Variants in SNTB1 observed in about 807,000 individuals in gnomAD.
The protein encoded by SNTB1 is syntrophin beta 1.
SNTB1 carries 36 observed loss-of-function variants against 48.9 expected under a neutral mutation model. The observed-to-expected ratio is 0.74, with a 90% CI of 0.56 to 0.97. SNTB1 has a LOEUF of 0.97. SNTB1 is among the 50% of genes least tolerant of loss of function. The pLI is 0.00. For missense variants in SNTB1, 786 were observed against 703.4 expected (o/e 1.12, Z -1.33); for synonymous variants, 299 against 294.6 (o/e 1.01, Z -0.15).
chr8:120,668,828 A>G (rs1817715628), intron 2 of SNTB1, among the ~76,000 whole-genome samples: 1 of 152,240 alleles, frequency 6.6e-6, no homozygotes, highest in Non-Finnish European at 1.5e-5. Context: ...AAAAAGACTT[A>G]GGGGCAGAAG....
At chr8:120,796,250 C>G (rs1006322352) in intron 1 of SNTB1, among the ~76,000 whole-genome samples, 4 of 152,040 alleles carry the variant, frequency 2.6e-5, no homozygotes, top group Admixed American at 2.6e-4. Flanking sequence ...GATTCCTGTA[C>G]AGCCTGCAGA....
In SNTB1 at chr8:120,584,893, G is replaced by A. The variant is rs933049436; in HGVS notation, c.997-9668C>T. ...ATGAAGGAAGAGACCAGGGTGATAC[G>A]TTTCCATGCCAAGGAATGCCAGAGA... On this transcript the variant is annotated intron_variant, in intron 3 of 6. Transcript: ENST00000517992. Among the ~76,000 whole-genome samples, 8 of 152,188 alleles carry A rather than the reference G, an allele frequency of 5.3e-5. No homozygotes were observed. The East Asian group carries it at 9.7e-4, about 18-fold the overall frequency.
rs567348146 is a variant in SNTB1, at chr8:120,682,865, TTTTG to T, written c.788+10823_788+10826del. Among the ~76,000 whole-genome samples the T allele has an allele frequency of 6.8e-3, 1,029 of 150,778 alleles. 5 individuals carry two copies. The highest frequency in any genetic ancestry group is 0.014 in the Admixed American group (213 of 15,122). ...TATCCAAAAGATAATACTCATAGTT[TTTTG>T]TTTGTTTTTAGTTTTTTTTTTTTTT... is the stretch of plus-strand genomic sequence containing the variant. On this transcript the variant is annotated intron_variant, in intron 2 of 6. Coordinates refer to ENST00000517992, the MANE Select transcript of SNTB1 (RefSeq NM_021021.4).
At chr8:120,702,523 C>T (rs1455335493) in intron 1 of SNTB1, among the ~76,000 whole-genome samples, 1 of 152,124 alleles carries the variant, frequency 6.6e-6, no homozygotes, top group Non-Finnish European at 1.5e-5. Flanking sequence ...CTGGGTAAGA[C>T]CTCCTTTTCA....
intron 1 of SNTB1, among the ~76,000 whole-genome samples, chr8:120,786,760 C>T (rs1392162684): frequency 6.6e-6 from 1 of 152,154 alleles, no homozygotes; most frequent in African/African-American, 2.4e-5. Flanking sequence ...CTTCCCTTCC[C>T]CCTGAAATAC....
intron 1 of SNTB1, among the ~76,000 whole-genome samples, chr8:120,732,411 T>G (rs1473788387): frequency 6.6e-6 from 1 of 152,244 alleles, no homozygotes; most frequent in Non-Finnish European, 1.5e-5. Context: ...GAAACCTCAC[T>G]CTGAGGATGT....
chr8:120,543,319 A>G (rs991676305), intron 5 of SNTB1, among the ~76,000 whole-genome samples: 1 of 152,156 alleles, frequency 6.6e-6, no homozygotes, highest in Non-Finnish European at 1.5e-5. Flanking sequence ...ATCTACATCT[A>G]AAAGTTATGT....
chr8:120,693,750 T>G lies in SNTB1; in HGVS notation c.730A>C (p.Ile244Leu). 6.2e-7 allele frequency: 1 copy of G among 1,613,776 alleles called. No individual in the cohort carries two copies. The highest frequency in any genetic ancestry group is 8.5e-7 in the Non-Finnish European group (1 of 1,179,894). ...SFSFHRDRKS[I>L]PLKMCYVTRS... ...GTGACGTAGCACATTTTGAGGGGGATGCTTTTCCGGTCTCTGTGGAAGGAG... is the reference window on the plus strand; with the variant it reads ...GTGACGTAGCACATTTTGAGGGGGAGGCTTTTCCGGTCTCTGTGGAAGGAG... Residue 244 changes from isoleucine to leucine, a missense_variant, in exon 2 of 7, where the codon ATC (isoleucine) becomes CTC (leucine). Physicochemically the swap from Ile to Leu is conservative, Grantham distance 5. Coordinates refer to ENST00000517992, the MANE Select transcript of SNTB1 (RefSeq NM_021021.4).
intron 4 of SNTB1, among the ~76,000 whole-genome samples, chr8:120,567,445 G>C (rs1350906047): frequency 1.3e-5 from 2 of 149,280 alleles, no homozygotes; most frequent in African/African-American, 5.0e-5. Flanking sequence ...AAAGAGACAG[G>C]GTCTTGCTCT....
intron 5 of SNTB1, among the ~76,000 whole-genome samples, chr8:120,547,063 A>G (rs1471304426): frequency 6.6e-6 from 1 of 151,990 alleles, no homozygotes; most frequent in Non-Finnish European, 1.5e-5. Context: ...GATCTCGTGC[A>G]AGTTATTTGA....
At chr8:120,696,714 C>A (rs1406892087) in intron 1 of SNTB1, among the ~76,000 whole-genome samples, 2 of 152,114 alleles carry the variant, frequency 1.3e-5, no homozygotes, top group African/African-American at 4.8e-5. Flanking sequence ...CATAGGTGAT[C>A]CCTTGTAGGT....
At position 120,644,030 on chromosome 8, in the gene SNTB1, C is replaced by T. The variant is rs1410169101; in HGVS notation, c.789-11379G>A. ...TAGACATATCTATATCTTAAAACCA[C>T]CATAGAGAAGCTTTCAGATGAAGTA... On this transcript the variant is annotated intron_variant, in intron 2 of 6. Transcript: ENST00000517992. 3.9e-5 allele frequency among the ~76,000 whole-genome samples: 6 copies of T among 152,082 alleles called. No individual in the cohort carries two copies. The East Asian group carries it at 1.2e-3, about 29-fold the overall frequency.
intron 2 of SNTB1, among the ~76,000 whole-genome samples, chr8:120,688,892 C>A (rs4242317): frequency 2.6e-5 from 4 of 151,560 alleles, no homozygotes; most frequent in Admixed American, 6.6e-5. Context: ...GTAGAGTAGA[C>A]GGTGGGAAAT....
chr8:120,700,181 G>C (rs922534532), intron 1 of SNTB1, among the ~76,000 whole-genome samples: 18 of 137,656 alleles, frequency 1.3e-4, no homozygotes, highest in Admixed American at 1.2e-3. Flanking sequence ...GTGTGTGTTT[G>C]TGTGTGTGTG....
At chr8:120,623,953 T>C (rs1443813388) in intron 3 of SNTB1, among the ~76,000 whole-genome samples, 1 of 152,160 alleles carries the variant, frequency 6.6e-6, no homozygotes, top group Non-Finnish European at 1.5e-5. Context: ...TGTTTGTTTT[T>C]TTGAGACAGA....
chr8:120,674,820 C>CTATTCTTTA (rs1474300718), intron 2 of SNTB1, among the ~76,000 whole-genome samples: 1 of 152,058 alleles, frequency 6.6e-6, no homozygotes, highest in Non-Finnish European at 1.5e-5. Context: ...TTTCAAGTCT[C>CTATTCTTTA]TATTCTTTAT....
At chr8:120,636,243 T>C (rs539983250) in intron 2 of SNTB1, among the ~76,000 whole-genome samples, 2 of 151,932 alleles carry the variant, frequency 1.3e-5, no homozygotes, top group African/African-American at 4.8e-5. Flanking sequence ...TCTTTTTTTT[T>C]ATTTTTTTAT....
In SNTB1 at chr8:120,632,575, A is replaced by G. The variant is rs1817002608; in HGVS notation, c.865T>C (p.Trp289Arg). 1.2e-6 allele frequency: 2 copies of G among 1,614,128 alleles called. No individual in the cohort carries two copies. Among genetic ancestry groups the G allele is most frequent in the Non-Finnish European group, 1.7e-6 (2 of 1,180,018 alleles). ...RSKDSATAQA[W>R]FSAIHSNVND... ...ACGTTGGAATGGATGGCACTGAACCATGCCTGGGCCGTGGCTGAGTCCTTG... is the reference window on the plus strand; with the variant it reads ...ACGTTGGAATGGATGGCACTGAACCGTGCCTGGGCCGTGGCTGAGTCCTTG... Residue 289 changes from tryptophan (W) to arginine (R), a missense_variant, in exon 3 of 7, where the codon TGG becomes CGG. Physicochemically the swap from Trp to Arg is moderately radical, Grantham distance 101. Transcript: ENST00000517992.
chr8:120,719,433 T>A (rs910344386), intron 1 of SNTB1, among the ~76,000 whole-genome samples: 2 of 152,158 alleles, frequency 1.3e-5, no homozygotes, highest in African/African-American at 2.4e-5. Context: ...GACCTTGTGA[T>A]TGAGTGAGTT....
Sources: gnomAD v4.1 joint callset for allele counts (sites outside exome capture counted in the v4.1 genomes callset) on GRCh38, gnomAD v4.1.1 for gene constraint, MANE v1.5 for transcripts, NCBI Gene and HGNC (gene_info 2026-07-23, HGNC 2026-07-21) for gene names.